CNTNAP5: variants seen among roughly 807,000 people sequenced by gnomAD.
CNTNAP5 encodes the protein contactin associated protein family member 5.
In CNTNAP5, 72 loss-of-function variants were observed where a neutral mutation model predicts 150.2. That is an observed-to-expected ratio of 0.48 (90% CI 0.40 to 0.58). The LOEUF is 0.58. Among genes scored for constraint, CNTNAP5 ranks in the 20% least tolerant of loss-of-function variants. The pLI is 0.00. For missense variants in CNTNAP5, 1,636 were observed against 1,626.2 expected, an observed-to-expected ratio of 1.01 and a Z score of -0.10; for synonymous variants, 672 against 619.8, an observed-to-expected ratio of 1.08 and a Z score of -1.25.
intron 2 of CNTNAP5, among the ~76,000 whole-genome samples, chr2:124,226,796 T>C (rs1017344728): frequency 2.0e-5 from 3 of 152,056 alleles, no homozygotes; most frequent in Non-Finnish European, 2.9e-5. Flanking sequence ...CTCTTGCTTA[T>C]GGGGACTCTG....
chr2:124,346,944 A>C (rs1689751653), intron 3 of CNTNAP5, among the ~76,000 whole-genome samples: 1 of 140,028 alleles, frequency 7.1e-6, no homozygotes, highest in Non-Finnish European at 1.5e-5. Flanking sequence ...ATAGCTGGGC[A>C]TGGTCATGGT....
At chr2:124,419,898 T>C (rs1415312925) in intron 4 of CNTNAP5, among the ~76,000 whole-genome samples, 2 of 83,272 alleles carry the variant, frequency 2.4e-5, no homozygotes, top group African/African-American at 1.2e-4. Flanking sequence ...TGGATTGGTT[T>C]TCTTTCTTTC....
intron 1 of CNTNAP5, among the ~76,000 whole-genome samples, chr2:124,077,134 C>G (rs1033158684): frequency 1.3e-5 from 2 of 152,108 alleles, no homozygotes; most frequent in South Asian, 4.1e-4. Flanking sequence ...TACAATTATA[C>G]ACAAAGATGA....
intron 11 of CNTNAP5, among the ~76,000 whole-genome samples, chr2:124,566,849 C>A (rs1696036488): frequency 6.6e-6 from 1 of 152,170 alleles, no homozygotes; most frequent in Non-Finnish European, 1.5e-5. Context: ...CACTCACAGG[C>A]CAGGTGAGAG....
chr2:124,344,606 G>T (rs919851133), intron 3 of CNTNAP5, among the ~76,000 whole-genome samples: 3 of 151,966 alleles, frequency 2.0e-5, no homozygotes, highest in African/African-American at 7.2e-5. Flanking sequence ...TTATTTAAAA[G>T]TTAGCTGGAT....
chr2:124,521,752 TG>T (rs1363995467), intron 8 of CNTNAP5, among the ~76,000 whole-genome samples: 35 of 152,192 alleles, frequency 2.3e-4, no homozygotes, highest in African/African-American at 7.7e-4. Flanking sequence ...GTTATGCAGA[TG>T]TATTCAAATG....
At chr2:124,771,001 C>G (rs1047346006) in intron 16 of CNTNAP5, among the ~76,000 whole-genome samples, 8 of 152,184 alleles carry the variant, frequency 5.3e-5, no homozygotes, top group African/African-American at 1.7e-4. Context: ...CTTACTGCTT[C>G]CACCTTACTA....
Position 124,591,599 on chromosome 2 carries a change from C to G in CNTNAP5, c.1757-18202C>G, listed in dbSNP as rs554826968. ...GTCTTGATGAACATACATATTACAC[C>G]GATATGTCACCATGTTGCACCCTTG... On this transcript the variant is annotated intron_variant, in intron 11 of 23. Coordinates refer to ENST00000682447, the MANE Select transcript of CNTNAP5 (RefSeq NM_001367498.1). Among the ~76,000 whole-genome samples, 8 of 152,138 alleles carry G rather than the reference C, an allele frequency of 5.3e-5. No homozygotes were observed. In the South Asian group the frequency reaches 1.7e-3, roughly 32 times the overall value.
intron 12 of CNTNAP5, among the ~76,000 whole-genome samples, chr2:124,621,456 T>G (rs183796893): frequency 6.6e-6 from 1 of 152,320 alleles, no homozygotes. Context: ...TCACTCTGGC[T>G]ATTATGATGC....
At chr2:124,567,815 G>C (rs892551249) in intron 11 of CNTNAP5, among the ~76,000 whole-genome samples, 6 of 150,176 alleles carry the variant, frequency 4.0e-5, no homozygotes, top group Non-Finnish European at 7.4e-5. Flanking sequence ...GTTTTTGATT[G>C]TGGGATATTA....
intron 21 of CNTNAP5, among the ~76,000 whole-genome samples, chr2:124,894,204 A>G (rs1217755132): frequency 6.6e-6 from 1 of 152,230 alleles, no homozygotes; most frequent in Admixed American, 6.5e-5. Context: ...CTGTAATAAA[A>G]AGTAGATAAT....
chr2:124,284,271 A>G (rs1558833840), intron 3 of CNTNAP5, among the ~76,000 whole-genome samples: 1 of 152,180 alleles, frequency 6.6e-6, no homozygotes. Flanking sequence ...AATATAAAAC[A>G]AGTCTTTTTC....
At chr2:124,516,483 G>A (rs1413615486) in intron 8 of CNTNAP5, among the ~76,000 whole-genome samples, 2 of 152,194 alleles carry the variant, frequency 1.3e-5, no homozygotes, top group East Asian at 1.9e-4. Flanking sequence ...TAGGTTTAGA[G>A]ATATTAAGAA....
chr2:124,269,216 TA>T (rs1201320157), intron 3 of CNTNAP5, among the ~76,000 whole-genome samples: 1 of 152,042 alleles, frequency 6.6e-6, no homozygotes, highest in East Asian at 1.9e-4. Flanking sequence ...TAAGAAAAAA[TA>T]AAAATGTGAA....
rs145220124 is a variant in CNTNAP5 at position 124,782,591 on chromosome 2, C to T, written c.2753-7311C>T. Among the ~76,000 whole-genome samples the T allele has an allele frequency of 2.6e-3, 400 of 152,078 alleles. 3 individuals are homozygous for T. The highest frequency in any genetic ancestry group is 9.3e-3 in the African/African-American group (385 of 41,488). ...GACTGGGAGAATTTTAGTTCAATTG[C>T]TCACATTTTTTTTTCATCTGTAGTT... On this transcript the variant is annotated intron_variant, in intron 17 of 23. Transcript: ENST00000682447.
At chr2:124,061,577 G>C (rs1337632846) in intron 1 of CNTNAP5, among the ~76,000 whole-genome samples, 1 of 152,006 alleles carries the variant, frequency 6.6e-6, no homozygotes, top group Non-Finnish European at 1.5e-5. Context: ...TTCTTTTCCA[G>C]CTGATAATAC....
At chr2:124,147,750 T>C (rs751157705) in intron 1 of CNTNAP5, among the ~76,000 whole-genome samples, 8 of 152,132 alleles carry the variant, frequency 5.3e-5, no homozygotes, top group Non-Finnish European at 7.4e-5. Context: ...CCTGGGCGGC[T>C]TCTCTCAGAG....
At chr2:124,374,040 T>C (rs1180739955) in intron 3 of CNTNAP5, among the ~76,000 whole-genome samples, 1 of 152,196 alleles carries the variant, frequency 6.6e-6, no homozygotes, top group African/African-American at 2.4e-5. Context: ...AATATTTATC[T>C]ATGGTGGTGA....
intron 1 of CNTNAP5, among the ~76,000 whole-genome samples, chr2:124,146,214 C>A (rs970596801): frequency 6.6e-6 from 1 of 152,140 alleles, no homozygotes; most frequent in Admixed American, 6.5e-5. Context: ...CACCTCAGCT[C>A]AGACCCGAGC....
Sources: gnomAD v4.1 joint callset for allele counts (sites outside exome capture counted in the v4.1 genomes callset) on GRCh38, gnomAD v4.1.1 for gene constraint, MANE v1.5 for transcripts, NCBI Gene and HGNC (gene_info 2026-07-23, HGNC 2026-07-21) for gene names.